Variants in NFX1 observed in about 807,000 individuals in gnomAD.
NFX1 encodes transcriptional repressor NF-X1.
In NFX1, 69 loss-of-function variants were observed where a neutral mutation model predicts 137.2. That is an observed-to-expected ratio of 0.50 (90% CI 0.41 to 0.61). NFX1 has a LOEUF of 0.61. Among genes scored for constraint, NFX1 ranks in the 20% least tolerant of loss-of-function variants. The pLI, the probability that NFX1 is intolerant of heterozygous loss-of-function variation, is 0.00. For missense variants in NFX1, 1,167 were observed against 1,391.0 expected, an observed-to-expected ratio of 0.84 and a Z score of 2.56; for synonymous variants, 495 against 474.1, an observed-to-expected ratio of 1.04 and a Z score of -0.57.
At chr9:33,318,645 T>G in intron 7 of NFX1, 86 bp from the exon 8 acceptor site, 1 of 1,281,200 alleles carries the variant, frequency 7.8e-7, no homozygotes, top group Non-Finnish European at 1.1e-6. Context: ...CAGGCCCGCA[T>G]TTTGTATTTT....
intron 3 of NFX1, 31 bp from the exon 4 acceptor site, chr9:33,303,160 T>G (rs1253360558): frequency 6.3e-7 from 1 of 1,590,418 alleles, no homozygotes; most frequent in Non-Finnish European, 8.6e-7. Context: ...GGAAGAAAAT[T>G]TATTTGGCCT....
intron 10 of NFX1, among the ~76,000 whole-genome samples, chr9:33,328,993 C>G (rs1049496363): frequency 7.9e-5 from 12 of 152,278 alleles, no homozygotes; most frequent in South Asian, 4.1e-4. Context: ...TCAGTGGTCC[C>G]TAAGACCACC....
Position 33,367,561 on chromosome 9 carries a change from A to G in NFX1, c.3232A>G (p.Arg1078Gly). 6.2e-7 allele frequency: 1 copy of G among 1,613,966 alleles called. No individual in the cohort carries two copies. The highest frequency in any genetic ancestry group is 8.5e-7 in the Non-Finnish European group (1 of 1,179,868). Reference sequence around the variant, plus strand: ...TACCACGCTGACAGGTGTGCTTGAAAGGGAAATGCAGGCACGGCCTCCACC... The same window carrying G: ...TACCACGCTGACAGGTGTGCTTGAAGGGGAAATGCAGGCACGGCCTCCACC... ...PPTTLTGVLE[R>G]EMQARPPPPI... Residue 1078 changes from arginine to glycine, a missense_variant, in exon 23 of 24, where the codon AGG becomes GGG. Physicochemically the swap from Arg to Gly is moderately radical, Grantham distance 125. Coordinates refer to ENST00000379540, the MANE Select transcript of NFX1 (RefSeq NM_002504.6).
chr9:33,326,189 G>C (rs1822581368), intron 9 of NFX1, among the ~76,000 whole-genome samples: 1 of 152,122 alleles, frequency 6.6e-6, no homozygotes. Flanking sequence ...AAGGTGGGCA[G>C]ATCACTTGAT....
rs545740151 is a variant in NFX1 at position 33,325,313 on chromosome 9, T to G, written c.1907-3268T>G. On this transcript the variant is annotated intron_variant, in intron 9 of 23. Transcript: ENST00000379540. The stretch of plus-strand genomic sequence containing the variant: ...ACAGTGGACTTCTCATCAGAAACAA[T>G]GGAGAACACATCACAACCAGAAGGC... Among the ~76,000 whole-genome samples, 12 of 152,194 alleles carry G rather than the reference T, an allele frequency of 7.9e-5. No homozygotes were observed. In the South Asian group the frequency reaches 2.5e-3, roughly 32 times the overall value.
intron 14 of NFX1, among the ~76,000 whole-genome samples, chr9:33,344,935 G>C (rs368029011): frequency 6.6e-6 from 1 of 152,154 alleles, no homozygotes; most frequent in Non-Finnish European, 1.5e-5. Context: ...GCTGAGATGG[G>C]CGGGTCACTT....
intron 9 of NFX1, among the ~76,000 whole-genome samples, chr9:33,320,645 CA>C (rs1162071076): frequency 6.6e-6 from 1 of 152,172 alleles, no homozygotes; most frequent in Admixed American, 6.5e-5. Flanking sequence ...CTATCTGACT[CA>C]GTCTTTTGGG....
intron 21 of NFX1, chr9:33,365,736 A>G (rs954950301): frequency 6.6e-6 from 1 of 152,190 alleles, no homozygotes; most frequent in East Asian, 1.9e-4. Context: ...TTAGGAAGAC[A>G]CTCTAGCCCC....
At chr9:33,365,066 G>C in intron 21 of NFX1, 1 of 982,822 alleles carries the variant, frequency 1.0e-6, no homozygotes, top group Non-Finnish European at 1.3e-6. Flanking sequence ...TTGAGGTCAG[G>C]AGTTCTAGAT....
rs1391708040 is a variant in NFX1 at position 33,328,744 on chromosome 9, G to A, written c.2004+66G>A. 3 of 1,333,490 alleles carry A rather than the reference G, an allele frequency of 2.2e-6. No individual in the cohort carries two copies. The African/African-American group carries it at 4.3e-5, about 19-fold the overall frequency. The allele number at this position is 1,333,490 out of a possible 1,614,324, so 82.6% of individuals were successfully genotyped here. On this transcript the variant is annotated intron_variant, in intron 10 of 23. Coordinates refer to ENST00000379540, the MANE Select transcript of NFX1 (RefSeq NM_002504.6). The stretch of plus-strand genomic sequence containing the variant: ...TTCTTTAAAATGGTGATTATGGGAG[G>A]GGAGGAATCAAAATAACCTCAGTAG...
At chr9:33,296,092 G>C (rs1009393093) in intron 2 of NFX1, among the ~76,000 whole-genome samples, 3 of 152,052 alleles carry the variant, frequency 2.0e-5, no homozygotes, top group Non-Finnish European at 4.4e-5. Context: ...ATGCTTGGCT[G>C]ATTTTTGTAT....
intron 12 of NFX1, among the ~76,000 whole-genome samples, chr9:33,342,448 C>T (rs896567614): frequency 8.5e-5 from 13 of 152,076 alleles, no homozygotes; most frequent in African/African-American, 1.7e-4. Flanking sequence ...GGCGACAGAG[C>T]GAGACTCCAT....
rs371316568 is a variant in NFX1 at position 33,324,777 on chromosome 9, A to C, written c.1907-3804A>C. On this transcript the variant is annotated intron_variant, in intron 9 of 23. Transcript: ENST00000379540. The stretch of plus-strand genomic sequence containing the variant: ...CCCGTCTCTACTATATACAAAAAAA[A>C]AATTAGCCAGGTGTGGTGGCGGGCA... Among the ~76,000 whole-genome samples, 16 of 151,948 alleles carry C rather than the reference A, an allele frequency of 1.1e-4. No individual in the cohort carries two copies. In the South Asian group the frequency reaches 3.1e-3, roughly 30 times the overall value.
rs771405424 is a variant in NFX1 at position 33,290,541 on chromosome 9, T to C, written c.-32T>C. 4 of 1,613,842 alleles carry C rather than the reference T, an allele frequency of 2.5e-6. No homozygotes were observed. Among genetic ancestry groups the C allele is most frequent in the Non-Finnish European group, 2.5e-6 (3 of 1,179,860 alleles). ...GACCTGGTGACAGTGCTGACTTGGC[T>C]GTACAGCTCGATCTAGGTTCTGCGG... On this transcript the variant is annotated 5_prime_UTR_variant, in exon 1 of 24. Coordinates refer to ENST00000379540, the MANE Select transcript of NFX1 (RefSeq NM_002504.6).
intron 17 of NFX1, 24 bp from the exon 18 acceptor site, chr9:33,354,062 T>A: frequency 1.3e-6 from 2 of 1,561,844 alleles, no homozygotes; most frequent in Non-Finnish European, 1.7e-6. Context: ...ATGCCTCTTT[T>A]TCCCTTTCTT....
chr9:33,366,750 G>A lies in NFX1; in HGVS notation c.3161G>A (p.Arg1054His), dbSNP rs775751251. ...GTGAGCTATGACAGTGAACCGAAGCGCAATGTGGTGGTCACTGCCATCAGG... is the reference window on the plus strand; with the variant it reads ...GTGAGCTATGACAGTGAACCGAAGCACAATGTGGTGGTCACTGCCATCAGG... The part of the protein sequence containing the change: ...ESVSYDSEPK[R>H]NVVVTAIRGK... Residue 1054 changes from arginine to histidine, a missense_variant, in exon 22 of 24, where the codon CGC becomes CAC. By Grantham distance (29) the Arg-to-His change is conservative. Coordinates refer to ENST00000379540, the MANE Select transcript of NFX1 (RefSeq NM_002504.6). 35 of 1,614,018 alleles carry A rather than the reference G, an allele frequency of 2.2e-5. No individual in the cohort carries two copies. The highest frequency in any genetic ancestry group is 1.7e-4 in the Admixed American group (10 of 59,994).
intron 1 of NFX1, among the ~76,000 whole-genome samples, chr9:33,293,494 A>G (rs1051826257): frequency 5.9e-5 from 9 of 152,226 alleles, no homozygotes; most frequent in East Asian, 1.9e-4. Flanking sequence ...GGTTGTTACT[A>G]TCTTCATTAC....
At chr9:33,295,555 T>C in intron 2 of NFX1, 128 bp downstream of exon 2, 1 of 1,120,016 alleles carries the variant, frequency 8.9e-7, no homozygotes, top group Non-Finnish European at 1.2e-6. Flanking sequence ...TCAATCTTTA[T>C]TCACTGTCTG....
At chr9:33,334,606 C>CA (rs1822932085) in intron 11 of NFX1, among the ~76,000 whole-genome samples, 1 of 152,274 alleles carries the variant, frequency 6.6e-6, no homozygotes, top group African/African-American at 2.4e-5. Flanking sequence ...TTTCCCTATT[C>CA]ATACAGATGT....
Sources: gnomAD v4.1 joint callset for allele counts (sites outside exome capture counted in the v4.1 genomes callset) on GRCh38, gnomAD v4.1.1 for gene constraint, MANE v1.5 for transcripts, NCBI Gene and HGNC (gene_info 2026-07-23, HGNC 2026-07-21) for gene names.